SLC35F4: variants seen among roughly 807,000 people sequenced by gnomAD.
The protein encoded by SLC35F4 is chromosome 14 open reading frame 36.
Under a neutral mutation model 44.2 loss-of-function variants are expected in SLC35F4, and 24 were observed. That is an observed-to-expected ratio of 0.54 (90% CI 0.39 to 0.76). The LOEUF (loss-of-function observed/expected upper bound fraction) is 0.76. Ranked by LOEUF, SLC35F4 falls within the 30% of genes least tolerant of loss-of-function variation. SLC35F4 has a pLI of 0.00. For synonymous variants in SLC35F4, 238 were observed against 223.6 expected, an observed-to-expected ratio of 1.06 and a Z score of -0.57; for missense variants, 562 against 586.1, an observed-to-expected ratio of 0.96 and a Z score of 0.42.
intron 1 of SLC35F4, among the ~76,000 whole-genome samples, chr14:57,741,110 T>C (rs911733162): frequency 6.6e-6 from 1 of 152,170 alleles, no homozygotes; most frequent in Admixed American, 6.5e-5. Context: ...CAAAGGTAGA[T>C]AAAACCACAA....
At chr14:57,635,244 T>TA (rs2072967997) in intron 1 of SLC35F4, among the ~76,000 whole-genome samples, 4 of 116,496 alleles carry the variant, frequency 3.4e-5, no homozygotes, top group South Asian at 5.9e-4. Flanking sequence ...AGACTCTTAC[T>TA]CAAAAAAAAA....
intron 1 of SLC35F4, among the ~76,000 whole-genome samples, chr14:57,744,922 T>A (rs1396190277): frequency 6.6e-6 from 1 of 152,142 alleles, no homozygotes; most frequent in Non-Finnish European, 1.5e-5. Flanking sequence ...AACACAGCCC[T>A]CAGAAATAAT....
At chr14:57,672,932 A>G (rs2074567907) in intron 1 of SLC35F4, among the ~76,000 whole-genome samples, 1 of 151,850 alleles carries the variant, frequency 6.6e-6, no homozygotes, top group Non-Finnish European at 1.5e-5. Flanking sequence ...GTCTTCTCCC[A>G]CCAAGTAGTT....
intron 1 of SLC35F4, among the ~76,000 whole-genome samples, chr14:57,605,969 G>A (rs771127737): frequency 1.3e-5 from 2 of 152,166 alleles, no homozygotes; most frequent in African/African-American, 2.4e-5. Context: ...AGAGGGGGAA[G>A]GATGGGAGGG....
At chr14:57,934,207 T>C (rs994478031) in intron 1 of SLC35F4, among the ~76,000 whole-genome samples, 4 of 151,538 alleles carry the variant, frequency 2.6e-5, no homozygotes, top group Admixed American at 2.0e-4. Flanking sequence ...CAGTTGGTGA[T>C]GTAGTGAAAA....
At chr14:57,878,412 A>G (rs575940874) in intron 1 of SLC35F4, among the ~76,000 whole-genome samples, 2 of 152,192 alleles carry the variant, frequency 1.3e-5, no homozygotes, top group South Asian at 4.2e-4. Context: ...CTTAGCATGA[A>G]TCCCACACCC....
At chr14:57,622,333 A>G (rs2140097372) in intron 1 of SLC35F4, among the ~76,000 whole-genome samples, 2 of 144,356 alleles carry the variant, frequency 1.4e-5, no homozygotes, top group East Asian at 3.9e-4. Context: ...TACCCAAAGG[A>G]CTATAAATCA....
At chr14:57,840,403 C>A (rs983856581) in intron 1 of SLC35F4, among the ~76,000 whole-genome samples, 9 of 152,072 alleles carry the variant, frequency 5.9e-5, no homozygotes, top group African/African-American at 2.2e-4. Context: ...AGAGACTATA[C>A]CAAGTAGCTG....
At chr14:57,821,529 G>T (rs1223832578) in intron 1 of SLC35F4, among the ~76,000 whole-genome samples, 1 of 152,184 alleles carries the variant, frequency 6.6e-6, no homozygotes, top group African/African-American at 2.4e-5. Flanking sequence ...TAAAACTAAA[G>T]CAAGGTGTTA....
At chr14:57,741,459 C>G (rs1347634573) in intron 1 of SLC35F4, among the ~76,000 whole-genome samples, 1 of 151,966 alleles carries the variant, frequency 6.6e-6, no homozygotes, top group Non-Finnish European at 1.5e-5. Context: ...GCTTCAATAG[C>G]CAATTCGATC....
chr14:57,907,041 A>T (rs1297127814), intron 1 of SLC35F4, among the ~76,000 whole-genome samples: 2 of 152,100 alleles, frequency 1.3e-5, no homozygotes. Context: ...TTTAGTATGT[A>T]TTGGTTGCAT....
chr14:57,564,114 G>T lies in SLC35F4; in HGVS notation c.*21C>A. On this transcript the variant is annotated 3_prime_UTR_variant, in exon 8 of 8. Transcript: ENST00000556826. ...ATATTCACAGAATATACATACACGT[G>T]CATTCAAAATATGTCCCTCTCTAAG... 1.2e-6 allele frequency: 2 copies of T among 1,612,532 alleles called. No homozygotes were observed. Among genetic ancestry groups the T allele is most frequent in the South Asian group, 1.1e-5 (1 of 90,958 alleles).
At chr14:57,947,477 C>T (rs1438442047) in intron 1 of SLC35F4, among the ~76,000 whole-genome samples, 1 of 152,114 alleles carries the variant, frequency 6.6e-6, no homozygotes, top group Admixed American at 6.5e-5. Context: ...CATCAGTGAA[C>T]AGCAACAGTT....
chr14:57,667,316 T>C (rs562334534), intron 1 of SLC35F4, among the ~76,000 whole-genome samples: 1 of 151,412 alleles, frequency 6.6e-6, no homozygotes, highest in Non-Finnish European at 1.5e-5. Context: ...TTACAAAATA[T>C]TTTACTTTTT....
intron 1 of SLC35F4, among the ~76,000 whole-genome samples, chr14:57,776,539 G>A (rs187566301): frequency 2.4e-4 from 36 of 151,778 alleles, no homozygotes; most frequent in Admixed American, 5.9e-4. Flanking sequence ...GGTGGCACGC[G>A]CCTGCAATCC....
At chr14:57,785,456 A>C (rs1256764207) in intron 1 of SLC35F4, among the ~76,000 whole-genome samples, 3 of 152,232 alleles carry the variant, frequency 2.0e-5, no homozygotes, top group Admixed American at 2.0e-4. Flanking sequence ...TGTACAGAGC[A>C]GTATGCGGAG....
intron 1 of SLC35F4, among the ~76,000 whole-genome samples, chr14:57,907,253 T>C (rs897485886): frequency 3.3e-5 from 5 of 152,202 alleles, no homozygotes; most frequent in African/African-American, 1.2e-4. Context: ...TTAGGTATAA[T>C]GCTATTGTAC....
chr14:57,916,185 G>A (rs1889326255), intron 1 of SLC35F4, among the ~76,000 whole-genome samples: 1 of 152,174 alleles, frequency 6.6e-6, no homozygotes, highest in South Asian at 2.1e-4. Flanking sequence ...GGACAGAAAA[G>A]GGGGCTGAAC....
intron 1 of SLC35F4, among the ~76,000 whole-genome samples, chr14:57,746,219 A>T (rs1401058972): frequency 6.6e-6 from 1 of 151,980 alleles, no homozygotes; most frequent in Non-Finnish European, 1.5e-5. Flanking sequence ...GGTACCCCAG[A>T]GCTTAAAGTA....
Sources: gnomAD v4.1 joint callset for allele counts (sites outside exome capture counted in the v4.1 genomes callset) on GRCh38, gnomAD v4.1.1 for gene constraint, MANE v1.5 for transcripts, NCBI Gene and HGNC (gene_info 2026-07-23, HGNC 2026-07-21) for gene names.